The following REPS1 variants were observed in gnomAD, a reference collection of about 807,000 sequenced individuals.
REPS1 encodes RALBP1 associated Eps domain containing 1.
Under a neutral mutation model 100.9 loss-of-function variants are expected in REPS1, and 39 were observed. That is an observed-to-expected ratio of 0.39 (90% CI 0.30 to 0.50). REPS1 has a LOEUF of 0.50. Ranked by LOEUF, REPS1 falls within the 20% of genes least tolerant of loss-of-function variation. The pLI, the probability that REPS1 is intolerant of heterozygous loss-of-function variation, is 0.86. For missense variants in REPS1, 821 were observed against 968.5 expected, an observed-to-expected ratio of 0.85 and a Z score of 2.02; for synonymous variants, 324 against 340.3, an observed-to-expected ratio of 0.95 and a Z score of 0.53.
At chr6:138,944,416 C>T (rs1340956917) in intron 5 of REPS1, 82 bp downstream of exon 5, 2 of 1,465,790 alleles carry the variant, frequency 1.4e-6, no homozygotes, top group African/African-American at 2.8e-5. Flanking sequence ...ATAAAATCTG[C>T]AACAGCAAAA....
At chr6:138,948,756 C>T (rs1427929318) in intron 1 of REPS1, among the ~76,000 whole-genome samples, 1 of 152,112 alleles carries the variant, frequency 6.6e-6, no homozygotes, top group South Asian at 2.1e-4. Context: ...CAGTTTTAGT[C>T]TATTTTTCCA....
chr6:138,948,308 A>T (rs943946442), intron 1 of REPS1, among the ~76,000 whole-genome samples: 5 of 152,206 alleles, frequency 3.3e-5, no homozygotes, highest in Non-Finnish European at 4.4e-5. Flanking sequence ...AACAACATGG[A>T]AAAATACTAA....
chr6:138,978,812 A>G (rs142847390), intron 1 of REPS1, among the ~76,000 whole-genome samples: 2 of 152,250 alleles, frequency 1.3e-5, no homozygotes, highest in Non-Finnish European at 2.9e-5. Flanking sequence ...TCCTCCCACT[A>G]AATCTATATT....
rs1785353506 is a variant in REPS1 at position 138,987,701 on chromosome 6, G to GCCGCC, written c.-24_-20dup. On this transcript the variant is annotated 5_prime_UTR_variant, in exon 1 of 20. It introduces an in-frame stop codon into an upstream open reading frame of the 5' UTR. Coordinates refer to ENST00000450536, the MANE Select transcript of REPS1 (RefSeq NM_001286611.2). ...CTTCCATCTTCGCCTCCGGCTCACG[G>GCCGCC]CCGCCCCGCCCCGCATGCACTACTC... is the stretch of plus-strand genomic sequence containing the variant. 8 of 1,532,490 alleles carry GCCGCC rather than the reference G, an allele frequency of 5.2e-6. No homozygotes were observed. The highest frequency in any genetic ancestry group is 6.2e-6 in the Non-Finnish European group (7 of 1,138,118). The allele number at this position is 1,532,490 out of a possible 1,614,324, so 94.9% of individuals were successfully genotyped here.
intron 15 of REPS1, among the ~76,000 whole-genome samples, 192 bp from the exon 16 acceptor site, chr6:138,913,142 T>TA (rs1010921897): frequency 1.1e-4 from 16 of 148,934 alleles, no homozygotes; most frequent in East Asian, 3.9e-4. Context: ...GCTAAGACAC[T>TA]AAAAAAAAAA....
chr6:138,949,974 T>G (rs1470762411), intron 1 of REPS1, among the ~76,000 whole-genome samples: 1 of 152,188 alleles, frequency 6.6e-6, no homozygotes, highest in African/African-American at 2.4e-5. Flanking sequence ...AAAGCTGTTT[T>G]GGTGATACAG....
chr6:138,950,001 T>C (rs1782911847), intron 1 of REPS1, among the ~76,000 whole-genome samples: 1 of 152,214 alleles, frequency 6.6e-6, no homozygotes. Context: ...CCAATTTTTA[T>C]ACAAGCTTGT....
rs942965253 is a variant in REPS1 at position 138,914,848 on chromosome 6, G to A, written c.1721-87C>T. On this transcript the variant is annotated intron_variant, in intron 14 of 19. Transcript: ENST00000450536. ...ATAGGCTGAATGAATGTGACTACAT[G>A]ATAAAGATTTCTAAGAATGTTTGTT... 5 of 1,102,380 alleles carry A rather than the reference G, an allele frequency of 4.5e-6. No individual in the cohort carries two copies. In the African/African-American group the frequency reaches 4.7e-5, roughly 10 times the overall value. The allele number at this position is 1,102,380 out of a possible 1,614,324, so 68.3% of individuals were successfully genotyped here. A position where few individuals can be genotyped will look rare whatever the true frequency, so the allele number is the denominator to read the frequency against.
chr6:138,905,463 T>C (rs536885588), intron 19 of REPS1, among the ~76,000 whole-genome samples: 10 of 147,772 alleles, frequency 6.8e-5, no homozygotes, highest in African/African-American at 2.5e-4. Context: ...GGCTAATTTT[T>C]TGTATTTTTA....
intron 1 of REPS1, among the ~76,000 whole-genome samples, chr6:138,971,798 G>A (rs1266608757): frequency 6.6e-6 from 1 of 152,132 alleles, no homozygotes; most frequent in Non-Finnish European, 1.5e-5. Flanking sequence ...GAACATCCAA[G>A]GCTTGAAGCT....
chr6:138,987,139 A>G (rs903225307), intron 1 of REPS1, among the ~76,000 whole-genome samples: 2 of 152,192 alleles, frequency 1.3e-5, no homozygotes, highest in African/African-American at 2.4e-5. Context: ...TAAAAAAACC[A>G]TTTTGCCCAT....
At chr6:138,980,694 G>GC in intron 1 of REPS1, among the ~76,000 whole-genome samples, 1 of 136,248 alleles carries the variant, frequency 7.3e-6, no homozygotes, top group Non-Finnish European at 1.6e-5. Flanking sequence ...GCGGGGGGGG[G>GC]GGGGAACGGA....
chr6:138,987,192 T>A (rs1237359997), intron 1 of REPS1, among the ~76,000 whole-genome samples: 1 of 152,248 alleles, frequency 6.6e-6, no homozygotes, highest in Non-Finnish European at 1.5e-5. Flanking sequence ...AAGCTCTCTA[T>A]ATGCCAGGTT....
chr6:138,950,100 G>A (rs945842948), intron 1 of REPS1, among the ~76,000 whole-genome samples: 2 of 152,062 alleles, frequency 1.3e-5, no homozygotes, highest in Non-Finnish European at 2.9e-5. Flanking sequence ...GATTAATATT[G>A]AAAATATACA....
chr6:138,955,673 A>C (rs932810634), intron 1 of REPS1, among the ~76,000 whole-genome samples: 1 of 152,040 alleles, frequency 6.6e-6, no homozygotes, highest in Non-Finnish European at 1.5e-5. Flanking sequence ...GTTTCATTCC[A>C]TAATATTTAC....
At chr6:138,983,616 G>A (rs1171901639) in intron 1 of REPS1, among the ~76,000 whole-genome samples, 2 of 152,036 alleles carry the variant, frequency 1.3e-5, no homozygotes, top group African/African-American at 2.4e-5. Flanking sequence ...TTCTGGACTC[G>A]GTGTTATTTG....
At chr6:138,977,567 C>G (rs1784667086) in intron 1 of REPS1, among the ~76,000 whole-genome samples, 1 of 152,034 alleles carries the variant, frequency 6.6e-6, no homozygotes, top group African/African-American at 2.4e-5. Flanking sequence ...TTTTGACATT[C>G]ATGTTTGTTA....
At chr6:138,975,904 G>A (rs1784577458) in intron 1 of REPS1, among the ~76,000 whole-genome samples, 1 of 152,168 alleles carries the variant, frequency 6.6e-6, no homozygotes, top group Non-Finnish European at 1.5e-5. Context: ...AATCTCAAGA[G>A]AGGTTAAGTA....
At chr6:138,927,649 G>T (rs1341228629) in intron 9 of REPS1, 4 of 152,108 alleles carry the variant, frequency 2.6e-5, no homozygotes, top group Admixed American at 2.0e-4. Context: ...TAGCAAATGA[G>T]CACACTGGTG....
Sources: allele counts gnomAD v4.1 joint callset (sites outside exome capture counted in the v4.1 genomes callset), GRCh38; gene constraint gnomAD v4.1.1; transcripts MANE v1.5; gene names NCBI Gene and HGNC (gene_info 2026-07-23, HGNC 2026-07-21).